The following CNTN1 variants were observed in gnomAD, a reference collection of about 807,000 sequenced individuals.
CNTN1 encodes contactin 1.
In CNTN1, 38 loss-of-function variants were observed where a neutral mutation model predicts 126.4. That is an observed-to-expected ratio of 0.30 (90% CI 0.23 to 0.39). CNTN1 has a LOEUF of 0.39. Among genes scored for constraint, CNTN1 ranks in the 10% least tolerant of loss-of-function variants. CNTN1 has a pLI of 1.00. For synonymous variants in CNTN1, 413 were observed against 422.6 expected, an observed-to-expected ratio of 0.98 and a Z score of 0.28; for missense variants, 1,009 against 1,248.4, an observed-to-expected ratio of 0.81 and a Z score of 2.89.
At chr12:40,728,054 G>A (rs1383646044) in intron 1 of CNTN1, among the ~76,000 whole-genome samples, 1 of 152,206 alleles carries the variant, frequency 6.6e-6, no homozygotes, top group Non-Finnish European at 1.5e-5. Context: ...CAGCTATGTG[G>A]TCACAGTAGC....
In CNTN1 at chr12:41,063,110, G is replaced by A. The variant is rs78258504; in HGVS notation, c.2981-6849G>A. 1.3e-4 allele frequency among the ~76,000 whole-genome samples: 20 copies of A among 152,260 alleles called. No homozygotes were observed. The East Asian group carries it at 3.7e-3, about 28-fold the overall frequency. ...TAAGATAAAAAATGCTGAAAAATTC[G>A]AACGCTGCACCTACCTTGACTGCGT... is the stretch of plus-strand genomic sequence containing the variant. On this transcript the variant is annotated intron_variant, in intron 23 of 23. Coordinates refer to ENST00000551295, the MANE Select transcript of CNTN1 (RefSeq NM_001843.4).
Position 40,934,298 on chromosome 12 carries a change from G to A in CNTN1, c.985+420G>A, listed in dbSNP as rs78531348. Among the ~76,000 whole-genome samples, 187 of 152,042 alleles carry A rather than the reference G, an allele frequency of 1.2e-3. 2 individuals carry two copies. In the East Asian group the frequency reaches 0.019, roughly 15 times the overall value. The stretch of plus-strand genomic sequence containing the variant: ...AGGGCTTGTTAAAACAGATTGCTGG[G>A]CCAAACTCTCAGAATTTTTCATTCA... On this transcript the variant is annotated intron_variant, in intron 9 of 23. Transcript: ENST00000551295.
chr12:41,004,735 A>G (rs1948449663), intron 17 of CNTN1, among the ~76,000 whole-genome samples: 1 of 152,270 alleles, frequency 6.6e-6, no homozygotes, highest in African/African-American at 2.4e-5. Context: ...CTGTTTTGTC[A>G]GAAACTAGGA....
At chr12:40,844,069 A>ATTCTTTTTTTTTTTTTTTTTTTTTTTT (rs1942397060) in intron 1 of CNTN1, among the ~76,000 whole-genome samples, 1 of 84,684 alleles carries the variant, frequency 1.2e-5, no homozygotes, top group Non-Finnish European at 2.3e-5. Context: ...TGGCACAATG[A>ATTCTTTTTTTTTTTTTTTTTTTTTTTT]TTTTTTTTTT....
At chr12:40,833,091 T>C (rs1265596807) in intron 1 of CNTN1, among the ~76,000 whole-genome samples, 1 of 152,052 alleles carries the variant, frequency 6.6e-6, no homozygotes, top group Admixed American at 6.6e-5. Context: ...AGTTTCATTC[T>C]GTCGCCCAGG....
rs559934797 is a variant in CNTN1 at position 40,817,573 on chromosome 12, T to C, written c.-76-90784T>C. Among the ~76,000 whole-genome samples, 295 of 149,012 alleles carry C rather than the reference T, an allele frequency of 2.0e-3. 1 individual carries two copies. The highest frequency in any genetic ancestry group is 2.2e-3 in the Non-Finnish European group (150 of 67,718). ...ACTGTGTGTGTCTTTGCATGTAAGA[T>C]GGGTCTCCTGAATACAGCACATTGA... On this transcript the variant is annotated intron_variant, in intron 1 of 23. Transcript: ENST00000551295.
At chr12:40,925,618 TATATACACATATATATATATAG>T (rs1945638470) in intron 6 of CNTN1, among the ~76,000 whole-genome samples, 1 of 145,108 alleles carries the variant, frequency 6.9e-6, no homozygotes. Flanking sequence ...TGTATATATA[TATATACACATATATATATATAG>T]AGAGAGAGAG....
At chr12:40,923,775 G>C (rs1350967829) in intron 5 of CNTN1, among the ~76,000 whole-genome samples, 1 of 152,172 alleles carries the variant, frequency 6.6e-6, no homozygotes, top group Non-Finnish European at 1.5e-5. Context: ...CAGGCCTAGA[G>C]AAGTAGATTT....
intron 1 of CNTN1, among the ~76,000 whole-genome samples, chr12:40,872,545 T>C (rs1467635907): frequency 6.6e-6 from 1 of 151,428 alleles, no homozygotes; most frequent in East Asian, 1.9e-4. Flanking sequence ...ATAGTTTGTA[T>C]TGCATGTACT....
Position 40,768,982 on chromosome 12 carries a change from C to T in CNTN1, c.-77+76390C>T, listed in dbSNP as rs904630820. ...ATATATGTTTACATGTTCTTTCAAACTCTGGTGGTGTCCCCAAAACAGTGT... is the reference window on the plus strand; with the variant it reads ...ATATATGTTTACATGTTCTTTCAAATTCTGGTGGTGTCCCCAAAACAGTGT... On this transcript the variant is annotated intron_variant, in intron 1 of 23. Transcript: ENST00000551295. Among the ~76,000 whole-genome samples the T allele has an allele frequency of 3.9e-5, 6 of 152,070 alleles. No individual in the cohort carries two copies. In the South Asian group the frequency reaches 8.3e-4, roughly 21 times the overall value.
chr12:40,728,112 C>T (rs1274758670), intron 1 of CNTN1, among the ~76,000 whole-genome samples: 1 of 152,296 alleles, frequency 6.6e-6, no homozygotes, highest in Non-Finnish European at 1.5e-5. Context: ...GGGTTGAGGA[C>T]TGACATCAAC....
At chr12:40,884,354 T>A (rs1458439544) in intron 1 of CNTN1, among the ~76,000 whole-genome samples, 1 of 151,540 alleles carries the variant, frequency 6.6e-6, no homozygotes, top group Non-Finnish European at 1.5e-5. Context: ...TTCCTGATTC[T>A]GATTATTATA....
chr12:40,792,305 T>TG (rs1269819653), intron 1 of CNTN1, among the ~76,000 whole-genome samples: 1 of 152,086 alleles, frequency 6.6e-6, no homozygotes, highest in African/African-American at 2.4e-5. Flanking sequence ...ATGTTGACAG[T>TG]GGTAAAATGA....
intron 17 of CNTN1, among the ~76,000 whole-genome samples, chr12:41,004,506 A>G (rs114737282): frequency 0.013 from 2,030 of 152,148 alleles, 48 homozygotes; most frequent in African/African-American, 0.047. Context: ...TTAATTTTCC[A>G]TCTTGATGAT....
intron 1 of CNTN1, among the ~76,000 whole-genome samples, chr12:40,757,015 C>T (rs1046719283): frequency 6.6e-6 from 1 of 152,076 alleles, no homozygotes; most frequent in African/African-American, 2.4e-5. Context: ...TCAGCTTGGG[C>T]TGCAATAATA....
intron 1 of CNTN1, among the ~76,000 whole-genome samples, chr12:40,781,044 A>T (rs1054216062): frequency 6.6e-6 from 1 of 151,952 alleles, no homozygotes; most frequent in African/African-American, 2.4e-5. Flanking sequence ...TCTCATCTAT[A>T]AGCAGCTAAT....
At chr12:40,930,067 AT>A in intron 7 of CNTN1, 65 bp downstream of exon 7, 1 of 1,234,874 alleles carries the variant, frequency 8.1e-7, no homozygotes, top group Non-Finnish European at 1.2e-6. Context: ...ACTTACCGTA[AT>A]GAAAAGAAAT....
intron 15 of CNTN1, among the ~76,000 whole-genome samples, chr12:40,975,198 A>T (rs200572764): frequency 1.4e-4 from 14 of 101,870 alleles, no homozygotes; most frequent in African/African-American, 5.1e-4. Flanking sequence ...ATATATATAT[A>T]TATATATATA....
intron 1 of CNTN1, among the ~76,000 whole-genome samples, chr12:40,861,449 T>C (rs79014605): frequency 0.019 from 2,857 of 152,282 alleles, 98 homozygotes; most frequent in African/African-American, 0.064. Context: ...AGTTTTTTAA[T>C]GGAATCTTGT....
Sources: gnomAD v4.1 joint callset for allele counts (sites outside exome capture counted in the v4.1 genomes callset) on GRCh38, gnomAD v4.1.1 for gene constraint, MANE v1.5 for transcripts, NCBI Gene and HGNC (gene_info 2026-07-23, HGNC 2026-07-21) for gene names.